The following ANKRD26 variants were observed in gnomAD, a reference collection of about 807,000 sequenced individuals.
The protein encoded by ANKRD26 is ankyrin repeat domain 26, also known as ankyrin repeat domain-containing protein 26.
Under a neutral mutation model 208.7 loss-of-function variants are expected in ANKRD26, and 141 were observed. The ratio of observed to expected loss-of-function variants is 0.68; its 90% confidence interval spans 0.59 to 0.78. ANKRD26 has a LOEUF of 0.78. ANKRD26 is among the 30% of genes least tolerant of loss of function. The pLI is 0.00. For synonymous variants in ANKRD26, 636 were observed against 660.4 expected, an observed-to-expected ratio of 0.96 and a Z score of 0.57; for missense variants, 1,889 against 1,938.7, an observed-to-expected ratio of 0.97 and a Z score of 0.48.
rs1388421366 is a variant in ANKRD26 at position 27,017,802 on chromosome 10, G to T, written c.4216-10C>A. On this transcript the variant is annotated splice_polypyrimidine_tract_variant and intron_variant, in intron 29 of 33. Coordinates refer to ENST00000376087, the MANE Select transcript of ANKRD26 (RefSeq NM_014915.3). ...CTGTAAGATCATCAATCTGAATGAAGACAATAATATAGTGTAATAATGAAG... is the reference window on the plus strand; with the variant it reads ...CTGTAAGATCATCAATCTGAATGAATACAATAATATAGTGTAATAATGAAG... 15 of 1,610,104 alleles carry T rather than the reference G, an allele frequency of 9.3e-6. No homozygotes were observed. The highest frequency in any genetic ancestry group is 1.2e-5 in the Non-Finnish European group (14 of 1,179,150).
chr10:26,988,770 G>A (rs1348544177), downstream of ANKRD26, among the ~76,000 whole-genome samples: 4 of 151,748 alleles, frequency 2.6e-5, no homozygotes, highest in African/African-American at 4.8e-5. Context: ...CTCAAGCCGG[G>A]CATGATGGCT....
intron 4 of ANKRD26, among the ~76,000 whole-genome samples, chr10:27,089,604 C>G (rs1450016604): frequency 1.3e-5 from 2 of 152,146 alleles, no homozygotes; most frequent in Non-Finnish European, 2.9e-5. Flanking sequence ...CCACCCTAAG[C>G]AACATGGCAA....
chr10:27,051,539 AT>A (rs2054660323), intron 16 of ANKRD26: 1 of 984,734 alleles, frequency 1.0e-6, no homozygotes. Context: ...TTTCTGTATC[AT>A]TATAAAAATT....
In ANKRD26 at chr10:27,017,783, G is replaced by C. The variant is rs749937630; in HGVS notation, c.4225C>G (p.Leu1409Val). Residue 1409 changes from leucine to valine, a missense_variant, in exon 30 of 34, where the codon CTT (leucine) becomes GTT (valine). Coordinates refer to ENST00000376087, the MANE Select transcript of ANKRD26 (RefSeq NM_014915.3). ...INKLKHKIDD[L>V]TAELETAGSK... ...CCTGCAGTCTCCAGTTCTGCTGTAA[G>C]ATCATCAATCTGAATGAAGACAATA... 6.2e-7 allele frequency: 1 copy of C among 1,612,328 alleles called. No homozygotes were observed. Among genetic ancestry groups the C allele is most frequent in the South Asian group, 1.1e-5 (1 of 90,948 alleles).
chr10:27,017,471 A>G, intron 30 of ANKRD26, 31 bp downstream of exon 30: 1 of 1,610,372 alleles, frequency 6.2e-7, no homozygotes, highest in Admixed American at 1.7e-5. Flanking sequence ...TTGCAGTGAA[A>G]TGAACAAAGG....
the ANKRD26 span, among the ~76,000 whole-genome samples, chr10:26,958,601 A>C: frequency 6.6e-6 from 1 of 152,120 alleles, no homozygotes; most frequent in East Asian, 1.9e-4. Context: ...GCTGAAGATA[A>C]TGGCTTCCAA....
At chr10:26,970,674 C>T (rs2134583517), downstream of ANKRD26, among the ~76,000 whole-genome samples, 1 of 152,332 alleles carries the variant, frequency 6.6e-6, no homozygotes, top group East Asian at 1.9e-4. Context: ...TATAGGCCCA[C>T]TCCTGCTCTC....
rs200911099 is a variant in ANKRD26, at chr10:27,047,731, A to C, written c.1814+1070T>G. On this transcript the variant is annotated intron_variant, in intron 17 of 33. Transcript: ENST00000376087. Reference sequence around the variant, plus strand: ...ACTACTACTACTACTACTAATAATAATAATAATAATTATTATTATTATTAT... The same window carrying C: ...ACTACTACTACTACTACTAATAATACTAATAATAATTATTATTATTATTAT... Among the ~76,000 whole-genome samples, 254 of 104,932 alleles carry C rather than the reference A, an allele frequency of 2.4e-3. 1 individual carries two copies. The South Asian group carries it at 0.039, about 16-fold the overall frequency. 68.8% of individuals were successfully genotyped at this position (104,932 alleles called of 152,430 possible). A position where few individuals can be genotyped will look rare whatever the true frequency, so the allele number is the denominator to read the frequency against.
intron 4 of ANKRD26, among the ~76,000 whole-genome samples, chr10:27,091,003 G>A (rs1419153743): frequency 6.6e-6 from 1 of 152,156 alleles, no homozygotes; most frequent in East Asian, 1.9e-4. Flanking sequence ...GGCTGAGGCA[G>A]GGGGATTGCT....
At chr10:26,951,019 C>CTTTTTTTTTT in the ANKRD26 span, among the ~76,000 whole-genome samples, 15 of 48,566 alleles carry the variant, frequency 3.1e-4, no homozygotes, top group South Asian at 2.3e-3. Flanking sequence ...TTTTCTTTTT[C>CTTTTTTTTTT]TTTTTTTTTT....
At chr10:26,997,871 G>A (rs1183239325) in intron 4 of ANKRD26, among the ~76,000 whole-genome samples, 2 of 152,176 alleles carry the variant, frequency 1.3e-5, no homozygotes, top group Non-Finnish European at 2.9e-5. Context: ...CTGATAAATA[G>A]CATGGGCTCC....
chr10:27,047,718 ACT>A (rs1491416400), intron 17 of ANKRD26, among the ~76,000 whole-genome samples: 77 of 94,362 alleles, frequency 8.2e-4, no homozygotes, highest in African/African-American at 2.2e-3. Flanking sequence ...TACTACTACT[ACT>A]ACTAATAATA....
Position 27,006,946 on chromosome 10 carries a change from T to G in ANKRD26, c.4970A>C (p.Glu1657Ala). 6.2e-7 allele frequency: 1 copy of G among 1,610,324 alleles called. No homozygotes were observed. Among genetic ancestry groups the G allele is most frequent in the Non-Finnish European group, 8.5e-7 (1 of 1,177,452 alleles). The change falls in exon 33 of 34, where the codon GAA becomes GCA. Residue 1657 changes from glutamate to alanine, a missense_variant. Physicochemically the swap from Glu to Ala is moderately radical, Grantham distance 107 (BLOSUM62 -1). Around this residue, in one of 3 missense-constraint regions of ANKRD26, gnomAD observed 613 missense variants for 648.2 expected, o/e 0.95. Transcript: ENST00000376087. ...TTTGAGTTCTCTAGTTATATTTTTT[T>G]CCAACTCCTGCTGCATCTGAAAAAA... is the stretch of plus-strand genomic sequence containing the variant. ...NYLSKMQQELEKNITRELKEA... is the reference protein window; with the variant it reads ...NYLSKMQQELAKNITRELKEA...
chr10:27,074,976 T>A (rs1395514002), intron 9 of ANKRD26, among the ~76,000 whole-genome samples: 1 of 152,092 alleles, frequency 6.6e-6, no homozygotes, highest in Non-Finnish European at 1.5e-5. Flanking sequence ...GAATTCTGTA[T>A]CAAGCAAAAC....
At chr10:27,000,833 G>A (rs563624810), downstream of ANKRD26, among the ~76,000 whole-genome samples, 19 of 152,092 alleles carry the variant, frequency 1.2e-4, no homozygotes, top group African/African-American at 4.3e-4. Flanking sequence ...ATGAAACCTC[G>A]TTTCTACTAA....
chr10:27,057,638 T>C (rs11015486), intron 15 of ANKRD26, among the ~76,000 whole-genome samples: 14,503 of 152,208 alleles, frequency 0.095, 2,225 homozygotes, highest in African/African-American at 0.33. Context: ...CAGAAATTTA[T>C]AGACAAAATG....
At chr10:27,076,574 T>A (rs531763009) in intron 9 of ANKRD26, among the ~76,000 whole-genome samples, 47 of 152,190 alleles carry the variant, frequency 3.1e-4, no homozygotes, top group African/African-American at 1.0e-3. Flanking sequence ...AGCTTTTTTT[T>A]AAAAGATACA....
chr10:26,962,154 G>A, the ANKRD26 span, among the ~76,000 whole-genome samples: 1 of 152,178 alleles, frequency 6.6e-6, no homozygotes, highest in Non-Finnish European at 1.5e-5. Context: ...TTTGGGCCAG[G>A]GGTGGTGGCT....
intron 4 of ANKRD26, 152 bp from the exon 5 acceptor site, chr10:27,086,761 CTTTTTTGTTTT>C (rs2056130212): frequency 1.1e-5 from 4 of 376,458 alleles, no homozygotes; most frequent in Non-Finnish European, 1.2e-5. Context: ...GCTCTACAAA[CTTTTTTGTTTT>C]TTTTTTTTTT....
Sources: allele counts gnomAD v4.1 joint callset (sites outside exome capture counted in the v4.1 genomes callset), GRCh38; gene constraint gnomAD v4.1.1; regional missense constraint gnomAD v4.1.1; transcripts MANE v1.5; gene names NCBI Gene and HGNC (gene_info 2026-07-23, HGNC 2026-07-21).